The following GUCY1A2 variants were observed in gnomAD, a reference collection of about 807,000 sequenced individuals.
GUCY1A2 encodes guanylate cyclase soluble subunit alpha-2.
GUCY1A2 carries 27 observed loss-of-function variants against 63.5 expected under a neutral mutation model. The ratio of observed to expected loss-of-function variants is 0.43; its 90% CI spans 0.31 to 0.59. The LOEUF (loss-of-function observed/expected upper bound fraction) is 0.59. Ranked by LOEUF, GUCY1A2 falls within the 20% of genes least tolerant of loss-of-function variation. The pLI, the probability that GUCY1A2 is intolerant of heterozygous loss-of-function variation, is 0.11. For missense variants in GUCY1A2, 768 were observed against 913.3 expected (o/e 0.84, Z 2.05); for synonymous variants, 364 against 343.5 (o/e 1.06, Z -0.66).
At chr11:106,802,333 C>A (rs1195513265) in intron 5 of GUCY1A2, among the ~76,000 whole-genome samples, 1 of 152,082 alleles carries the variant, frequency 6.6e-6, no homozygotes, top group Admixed American at 6.6e-5. Context: ...AGCTTAAATT[C>A]TTTACAGTTT....
At chr11:106,830,623 G>C (rs1473972783) in intron 4 of GUCY1A2, among the ~76,000 whole-genome samples, 1 of 152,174 alleles carries the variant, frequency 6.6e-6, no homozygotes, top group African/African-American at 2.4e-5. Flanking sequence ...TCCTGCTCTC[G>C]AACAACAGAC....
rs1160178119 is a variant in GUCY1A2, at chr11:106,680,008, A to G, written c.*7541T>C. 1 of 216,552 alleles carries G rather than the reference A, an allele frequency of 4.6e-6. No individual in the cohort carries two copies. The highest frequency in any genetic ancestry group is 6.8e-5 in the East Asian group (1 of 14,792). 13.4% of individuals were successfully genotyped at this position (216,552 alleles called of 1,614,324 possible). The stretch of plus-strand genomic sequence containing the variant: ...TTTAAAAATGAGTGACCAGTAGTCA[A>G]ATAAATCATGTGGCTTCCATTAAAC... On this transcript the variant is annotated 3_prime_UTR_variant, in exon 8 of 8. Transcript: ENST00000526355.
intron 6 of GUCY1A2, among the ~76,000 whole-genome samples, chr11:106,726,461 T>A (rs1484168132): frequency 6.6e-6 from 1 of 151,868 alleles, no homozygotes; most frequent in Non-Finnish European, 1.5e-5. Context: ...GATCAATAAG[T>A]GTATATATAT....
At chr11:106,816,949 ATAATT>A (rs1185597778) in intron 4 of GUCY1A2, among the ~76,000 whole-genome samples, 1 of 152,112 alleles carries the variant, frequency 6.6e-6, no homozygotes, top group African/African-American at 2.4e-5. Context: ...CATGAAATGT[ATAATT>A]TAAAGTTTTT....
Position 107,017,920 on chromosome 11 carries a change from G to A in GUCY1A2, c.136C>T (p.Leu46=). ...WNGSRSPPGP[L]EPSPAAAAAA... is the part of the protein sequence containing the mutation. ...GCAGCTGCGGCCGGGCTGGGCTCCA[G>A]CGGCCCGGGCGGGCTCCGGCTGCCA... is the stretch of plus-strand genomic sequence containing the variant. Residue 46 remains leucine (L), a synonymous_variant, in exon 1 of 8, where the codon CTG becomes TTG. Transcript: ENST00000526355. 3 of 1,293,262 alleles carry A rather than the reference G, an allele frequency of 2.3e-6. No homozygotes were observed. Among genetic ancestry groups the A allele is most frequent in the South Asian group, 2.8e-5 (1 of 36,234 alleles). The allele number at this position is 1,293,262 out of a possible 1,614,324, so 80.1% of individuals were successfully genotyped here. A position where few individuals can be genotyped will look rare whatever the true frequency, so the allele number is the denominator to read the frequency against.
chr11:106,867,116 C>T (rs1859605261), intron 4 of GUCY1A2, among the ~76,000 whole-genome samples: 1 of 152,002 alleles, frequency 6.6e-6, no homozygotes, highest in South Asian at 2.1e-4. Flanking sequence ...GGACTCACTC[C>T]TTTAGGAAGC....
At chr11:106,889,935 A>G (rs1859952005) in intron 4 of GUCY1A2, among the ~76,000 whole-genome samples, 1 of 152,190 alleles carries the variant, frequency 6.6e-6, no homozygotes, top group South Asian at 2.1e-4. Flanking sequence ...AAGTTTGCAA[A>G]AACTTCTGTA....
intron 4 of GUCY1A2, among the ~76,000 whole-genome samples, chr11:106,919,173 T>C (rs1472763117): frequency 1.3e-5 from 2 of 152,186 alleles, no homozygotes; most frequent in Non-Finnish European, 2.9e-5. Flanking sequence ...TGTTTGCTCA[T>C]GTTTTTTGTC....
At chr11:106,785,277 A>G (rs1864536860) in intron 5 of GUCY1A2, among the ~76,000 whole-genome samples, 1 of 152,158 alleles carries the variant, frequency 6.6e-6, no homozygotes, top group South Asian at 2.1e-4. Flanking sequence ...TTCACTGAGT[A>G]TACGACTTTT....
chr11:106,834,508 T>C (rs1859091935), intron 4 of GUCY1A2, among the ~76,000 whole-genome samples: 1 of 152,004 alleles, frequency 6.6e-6, no homozygotes, highest in African/African-American at 2.4e-5. Flanking sequence ...TTGGCTTACC[T>C]ATATTGATCA....
intron 4 of GUCY1A2, among the ~76,000 whole-genome samples, chr11:106,840,212 T>C (rs1039645313): frequency 5.3e-5 from 8 of 151,970 alleles, no homozygotes; most frequent in African/African-American, 1.7e-4. Context: ...AGAAGCACTA[T>C]TGATGGCACT....
intron 4 of GUCY1A2, among the ~76,000 whole-genome samples, chr11:106,880,988 G>C (rs565583576): frequency 2.6e-5 from 4 of 152,200 alleles, no homozygotes; most frequent in African/African-American, 9.6e-5. Context: ...CAGGACTAAA[G>C]CTTCTGTGGA....
intron 7 of GUCY1A2, among the ~76,000 whole-genome samples, chr11:106,688,171 TTA>T (rs1862561441): frequency 6.6e-6 from 1 of 152,196 alleles, no homozygotes; most frequent in African/African-American, 2.4e-5. Context: ...TGCACTCCTT[TTA>T]TGTTTGGTAA....
chr11:106,887,635 A>G (rs1369244653), intron 4 of GUCY1A2, among the ~76,000 whole-genome samples: 1 of 152,136 alleles, frequency 6.6e-6, no homozygotes. Flanking sequence ...GAGTCACACT[A>G]TTGAGTCCCT....
chr11:106,827,789 T>G lies in GUCY1A2; in HGVS notation c.1207-17311A>C, dbSNP rs111322042. 9,892 of 1,561,802 alleles carry G rather than the reference T, an allele frequency of 6.3e-3. 493 individuals are homozygous for G. In the African/African-American group the frequency reaches 0.11, roughly 17 times the overall value. ...CTGTTACCAAGAGAATATCTTCTGA[T>G]GGAAAGTGAGTAGCCAACTGCTCCG... On this transcript the variant is annotated intron_variant, in intron 4 of 7. Transcript: ENST00000526355.
At chr11:106,714,542 A>G (rs1443465471) in intron 6 of GUCY1A2, among the ~76,000 whole-genome samples, 4 of 152,216 alleles carry the variant, frequency 2.6e-5, no homozygotes, top group Admixed American at 1.3e-4. Flanking sequence ...ACATTTAACT[A>G]TCAATGAGGG....
chr11:106,999,692 T>C (rs952836133), intron 1 of GUCY1A2, among the ~76,000 whole-genome samples: 2 of 152,184 alleles, frequency 1.3e-5, no homozygotes, highest in African/African-American at 4.8e-5. Context: ...AAAAAGTATG[T>C]TTCTTGGGGT....
chr11:106,827,936 G>C (rs528760600), intron 4 of GUCY1A2: 39 of 1,170,756 alleles, frequency 3.3e-5, no homozygotes, highest in Non-Finnish European at 4.5e-5. Flanking sequence ...GCGGAACAGC[G>C]AGACTCTGGA....
intron 4 of GUCY1A2, among the ~76,000 whole-genome samples, chr11:106,936,456 A>G (rs1447149298): frequency 6.6e-6 from 1 of 152,212 alleles, no homozygotes; most frequent in Non-Finnish European, 1.5e-5. Flanking sequence ...TTGACATCTG[A>G]TAAGGAAAGA....
Sources: allele counts gnomAD v4.1 joint callset (sites outside exome capture counted in the v4.1 genomes callset), GRCh38; gene constraint gnomAD v4.1.1; transcripts MANE v1.5; gene names NCBI Gene and HGNC (gene_info 2026-07-23, HGNC 2026-07-21).